Variants in PRDM16 observed in about 807,000 individuals in gnomAD.
PRDM16 encodes histone-lysine N-methyltransferase PRDM16.
PRDM16 carries 23 observed loss-of-function variants against 110.6 expected under a neutral mutation model. The observed-to-expected ratio is 0.21, with a 90% CI of 0.15 to 0.29. PRDM16 has a LOEUF of 0.29. PRDM16 is among the 10% of genes least tolerant of loss of function. The pLI is 1.00. For synonymous variants in PRDM16, 799 were observed against 781.8 expected, an observed-to-expected ratio of 1.02 and a Z score of -0.37; for missense variants, 1,615 against 1,794.3, an observed-to-expected ratio of 0.90 and a Z score of 1.81.
At chr1:3,401,481 A>G (rs1317747119) in intron 5 of PRDM16, among the ~76,000 whole-genome samples, 2 of 152,186 alleles carry the variant, frequency 1.3e-5, no homozygotes, top group African/African-American at 4.8e-5. Context: ...AATTGCATGC[A>G]TACACACATC....
At chr1:3,096,172 A>G (rs1282073268) in intron 1 of PRDM16, among the ~76,000 whole-genome samples, 1 of 152,022 alleles carries the variant, frequency 6.6e-6, no homozygotes, top group Non-Finnish European at 1.5e-5. Context: ...TTGAACCCCC[A>G]TGTGGGCAGG....
At chr1:3,349,849 TCCGCAGCCC>T (rs1345159276) in intron 3 of PRDM16, among the ~76,000 whole-genome samples, 2 of 152,186 alleles carry the variant, frequency 1.3e-5, no homozygotes, top group African/African-American at 2.4e-5. Flanking sequence ...GCCCTCAGCC[TCCGCAGCCC>T]CCGCAGCCTC....
chr1:3,127,658 G>C (rs1246265775), intron 1 of PRDM16, among the ~76,000 whole-genome samples: 1 of 152,258 alleles, frequency 6.6e-6, no homozygotes, highest in Non-Finnish European at 1.5e-5. Flanking sequence ...CAGTGCCCAG[G>C]ACAGTAGGAC....
intron 1 of PRDM16, among the ~76,000 whole-genome samples, chr1:3,073,044 C>G (rs1570197017): frequency 6.6e-6 from 1 of 152,266 alleles, no homozygotes; most frequent in Non-Finnish European, 1.5e-5. Context: ...GGGGGGTCCT[C>G]CTTGTCCTGT....
intron 1 of PRDM16, among the ~76,000 whole-genome samples, chr1:3,177,993 G>A (rs944934814): frequency 1.3e-5 from 2 of 152,168 alleles, no homozygotes; most frequent in Non-Finnish European, 2.9e-5. Context: ...TCTGGCAGAC[G>A]CCAGGCCGCG....
intron 3 of PRDM16, among the ~76,000 whole-genome samples, chr1:3,277,887 C>T (rs952079068): frequency 2.0e-5 from 3 of 152,230 alleles, no homozygotes; most frequent in African/African-American, 4.8e-5. Context: ...CAGGCACAAA[C>T]AGGAACACAG....
chr1:3,222,571 T>G (rs1416616117), intron 2 of PRDM16, among the ~76,000 whole-genome samples: 1 of 152,178 alleles, frequency 6.6e-6, no homozygotes, highest in Non-Finnish European at 1.5e-5. Flanking sequence ...GTGTGTTTCA[T>G]GGCCCTGCCC....
chr1:3,301,845 C>T (rs1286663024), intron 3 of PRDM16, among the ~76,000 whole-genome samples: 2 of 152,174 alleles, frequency 1.3e-5, no homozygotes, highest in Non-Finnish European at 1.5e-5. Flanking sequence ...AGAGGAGCTC[C>T]CAGCCATTGG....
At chr1:3,410,996 C>T (rs975890722) in intron 8 of PRDM16, among the ~76,000 whole-genome samples, 2 of 152,170 alleles carry the variant, frequency 1.3e-5, no homozygotes, top group Admixed American at 6.5e-5. Flanking sequence ...CTGTACCAAC[C>T]GGCCCCCCGA....
intron 5 of PRDM16, among the ~76,000 whole-genome samples, chr1:3,402,200 G>A (rs1643483809): frequency 6.6e-6 from 1 of 152,156 alleles, no homozygotes; most frequent in African/African-American, 2.4e-5. Context: ...TGTTGGGGGG[G>A]TCTCCCGTCT....
At chr1:3,090,986 C>G (rs1642262839) in intron 1 of PRDM16, among the ~76,000 whole-genome samples, 1 of 151,846 alleles carries the variant, frequency 6.6e-6, no homozygotes, top group South Asian at 2.1e-4. Context: ...GCTCCAGGGT[C>G]TGGCTCAGGA....
rs1425292542 is a variant in PRDM16, at chr1:3,148,725, A to G, written c.38-37400A>G. On this transcript the variant is annotated intron_variant, in intron 1 of 16. Coordinates refer to ENST00000270722, the MANE Select transcript of PRDM16 (RefSeq NM_022114.4). This position sits in a 1 kb window ranked among gnomAD's most constrained non-coding sequence, Gnocchi z 5.0. ...GCGGCCCAAAGCCAAAGGGTGGTGA[A>G]TCTGGGCACTGCCTGGGACCATGGG... is the stretch of plus-strand genomic sequence containing the variant. 6.6e-6 allele frequency among the ~76,000 whole-genome samples: 1 copy of G among 152,200 alleles called. No homozygotes were observed. The highest frequency in any genetic ancestry group is 1.5e-5 in the Non-Finnish European group (1 of 68,030).
intron 6 of PRDM16, among the ~76,000 whole-genome samples, chr1:3,404,242 C>A (rs1262577953): frequency 3.3e-5 from 5 of 152,240 alleles, no homozygotes; most frequent in African/African-American, 1.2e-4. Flanking sequence ...CTCCGAGCAG[C>A]TGTGCTCGGG....
chr1:3,305,142 A>C (rs1000308963), intron 3 of PRDM16, among the ~76,000 whole-genome samples: 1 of 152,110 alleles, frequency 6.6e-6, no homozygotes, highest in Non-Finnish European at 1.5e-5. Flanking sequence ...GGAAGCTGGC[A>C]CCTGCCCTCC....
chr1:3,403,682 A>T (rs1000142210), intron 6 of PRDM16, among the ~76,000 whole-genome samples: 1 of 152,180 alleles, frequency 6.6e-6, no homozygotes, highest in Non-Finnish European at 1.5e-5. Context: ...CCCGGGAAAG[A>T]CAAGATTCCT....
At chr1:3,408,748 G>A (rs1431669752) in intron 8 of PRDM16, among the ~76,000 whole-genome samples, 4 of 150,790 alleles carry the variant, frequency 2.7e-5, no homozygotes, top group Non-Finnish European at 4.4e-5. Context: ...GCCGGTGCAT[G>A]TGTTGGCACA....
chr1:3,317,618 C>T (rs764332318), intron 3 of PRDM16, among the ~76,000 whole-genome samples: 2 of 152,234 alleles, frequency 1.3e-5, no homozygotes, highest in African/African-American at 4.8e-5. Context: ...CTCTTGGCTC[C>T]GCCCGGGCCT....
At chr1:3,123,159 C>A (rs893676282) in intron 1 of PRDM16, among the ~76,000 whole-genome samples, 1 of 152,172 alleles carries the variant, frequency 6.6e-6, no homozygotes, top group African/African-American at 2.4e-5. Context: ...CCCAAGCCTT[C>A]GGCGCTCCCC....
At chr1:3,251,209 C>G (rs570195298) in intron 3 of PRDM16, among the ~76,000 whole-genome samples, 15 of 152,304 alleles carry the variant, frequency 9.8e-5, no homozygotes, top group Non-Finnish European at 2.2e-4. Context: ...TGGTTCTGCC[C>G]GGGGCAGCGC....
Sources: allele counts gnomAD v4.1 joint callset (sites outside exome capture counted in the v4.1 genomes callset), GRCh38; gene constraint gnomAD v4.1.1; non-coding constraint Gnocchi (gnomAD v3.1); transcripts MANE v1.5; gene names NCBI Gene and HGNC (gene_info 2026-07-23, HGNC 2026-07-21).